Variants in TAF4 observed in about 807,000 individuals in gnomAD.
TAF4 encodes TATA-box binding protein associated factor 4, also known as transcription initiation factor TFIID subunit 4.
Under a neutral mutation model 90.3 loss-of-function variants are expected in TAF4, and 9 were observed. The ratio of observed to expected loss-of-function variants is 0.10; its 90% CI spans 0.06 to 0.17. The LOEUF is 0.17. Among genes scored for constraint, TAF4 ranks in the 10% least tolerant of loss-of-function variants. The pLI is 1.00. For missense variants in TAF4, 1,351 were observed against 1,370.7 expected (o/e 0.99, Z 0.23); for synonymous variants, 818 against 638.9 (o/e 1.28, Z -4.23).
At chr20:61,994,888 T>C (rs2055653858) in intron 14 of TAF4, among the ~76,000 whole-genome samples, 1 of 152,078 alleles carries the variant, frequency 6.6e-6, no homozygotes, top group Non-Finnish European at 1.5e-5. Context: ...CCTGCCCGAG[T>C]AACAAGACCT....
intron 1 of TAF4, among the ~76,000 whole-genome samples, chr20:62,029,795 A>C (rs1045791664): frequency 6.6e-6 from 1 of 152,208 alleles, no homozygotes; most frequent in Non-Finnish European, 1.5e-5. Context: ...AATCCCAGCT[A>C]CTTGGGAGGC....
At chr20:62,013,611 C>G (rs1183935933) in intron 2 of TAF4, among the ~76,000 whole-genome samples, 1 of 152,362 alleles carries the variant, frequency 6.6e-6, no homozygotes, top group South Asian at 2.1e-4. Context: ...GGGACAGAGG[C>G]ACAACTCCAG....
chr20:62,004,328 C>CTTTTTTTTTTTTTTTTTTTTTTTTTT (rs60437230), intron 7 of TAF4, among the ~76,000 whole-genome samples: 1 of 117,198 alleles, frequency 8.5e-6, no homozygotes, highest in Non-Finnish European at 1.7e-5. Context: ...CTTTTCTTTT[C>CTTTTTTTTTTTTTTTTTTTTTTTTTT]TTTTTTTTTT....
chr20:62,057,257 A>G (rs1013254179), intron 1 of TAF4, among the ~76,000 whole-genome samples: 2 of 152,306 alleles, frequency 1.3e-5, no homozygotes, highest in Non-Finnish European at 1.5e-5. Context: ...TGCTTGGGCC[A>G]CACCCAGCGC....
chr20:62,057,503 A>T (rs1456018707), intron 1 of TAF4, among the ~76,000 whole-genome samples: 2 of 152,116 alleles, frequency 1.3e-5, no homozygotes, highest in African/African-American at 4.8e-5. Flanking sequence ...ACACCACCCT[A>T]CCTGGCTACG....
chr20:61,977,620 T>C lies in TAF4; in HGVS notation c.3091-1285A>G, dbSNP rs148618825. Reference sequence around the variant, plus strand: ...CTGCATTTTCTTTATTCCTGTGAGATTCAAACAGATGAGGGCACCTGTCTC... The same window carrying C: ...CTGCATTTTCTTTATTCCTGTGAGACTCAAACAGATGAGGGCACCTGTCTC... On this transcript the variant is annotated intron_variant, in intron 14 of 14. Transcript: ENST00000252996. Among the ~76,000 whole-genome samples the C allele has an allele frequency of 2.1e-3, 317 of 152,258 alleles. 1 individual carries two copies. The highest frequency in any genetic ancestry group is 7.1e-3 in the African/African-American group (295 of 41,558).
chr20:62,014,785 A>T, intron 1 of TAF4, 78 bp from the exon 2 acceptor site: 1 of 1,545,308 alleles, frequency 6.5e-7, no homozygotes. Context: ...ACCCAGGGGA[A>T]GCTGACAGCT....
intron 4 of TAF4, 125 bp from the exon 5 acceptor site, chr20:62,009,299 G>C: frequency 9.7e-7 from 1 of 1,032,576 alleles, no homozygotes; most frequent in Non-Finnish European, 1.3e-6. Context: ...CTTCTTTCAA[G>C]AAAACGCACC....
intron 12 of TAF4, 76 bp from the exon 13 acceptor site, chr20:61,998,268 T>G: frequency 4.1e-6 from 6 of 1,465,996 alleles, no homozygotes; most frequent in Non-Finnish European, 4.7e-6. Context: ...TGTTATCTTA[T>G]TTACTATACA....
intron 14 of TAF4, among the ~76,000 whole-genome samples, chr20:61,982,889 C>G (rs940955245): frequency 1.1e-4 from 17 of 152,208 alleles, no homozygotes; most frequent in Admixed American, 6.5e-4. Context: ...CTGCACCCCC[C>G]TCCCCACCCG....
chr20:62,014,014 GTGT>G (rs2055796835), intron 2 of TAF4, among the ~76,000 whole-genome samples: 1 of 118,064 alleles, frequency 8.5e-6, no homozygotes, highest in African/African-American at 4.2e-5. Context: ...TGACGCGGGG[GTGT>G]GGGTGTGTGT....
chr20:62,043,529 C>T (rs1427753281), intron 1 of TAF4, among the ~76,000 whole-genome samples: 1 of 152,204 alleles, frequency 6.6e-6, no homozygotes, highest in Non-Finnish European at 1.5e-5. Context: ...CCTACAGCAG[C>T]ACAGTCATGT....
intron 1 of TAF4, among the ~76,000 whole-genome samples, chr20:62,030,492 C>A (rs1289677423): frequency 2.0e-5 from 3 of 152,226 alleles, no homozygotes; most frequent in African/African-American, 7.2e-5. Flanking sequence ...CCAGCAGTGC[C>A]CATTTCGGCT....
At chr20:62,043,579 T>C (rs2055975863) in intron 1 of TAF4, among the ~76,000 whole-genome samples, 1 of 152,186 alleles carries the variant, frequency 6.6e-6, no homozygotes, top group Non-Finnish European at 1.5e-5. Flanking sequence ...CACCCAGTCC[T>C]GCAAGCGCCA....
rs536907333 is a variant in TAF4 at position 62,053,911 on chromosome 20, G to A, written c.1360+10540C>T. Among the ~76,000 whole-genome samples, 17 of 152,346 alleles carry A rather than the reference G, an allele frequency of 1.1e-4. No homozygotes were observed. The South Asian group carries it at 2.1e-3, about 19-fold the overall frequency. ...TTGGCCACTTGAAGCCCTTGCAGCC[G>A]CAGGACTGCAGGGACTGACGGAGAT... On this transcript the variant is annotated intron_variant, in intron 1 of 14. Coordinates refer to ENST00000252996, the MANE Select transcript of TAF4 (RefSeq NM_003185.4).
At position 62,010,387 on chromosome 20, in the gene TAF4, G is replaced by C. The variant is rs1372089635; in HGVS notation, c.1642-222C>G. On this transcript the variant is annotated intron_variant, in intron 3 of 14. Transcript: ENST00000252996. The surrounding 1 kb of genome is among the most constrained non-coding windows in gnomAD (Gnocchi z 4.5). ...TCGCAGTCCTGAGCGGGTGAGGAAGGCATGATTTGCACCTGCATCAAAAAC... is the reference window on the plus strand; with the variant it reads ...TCGCAGTCCTGAGCGGGTGAGGAAGCCATGATTTGCACCTGCATCAAAAAC... Among the ~76,000 whole-genome samples the C allele has an allele frequency of 6.6e-6, 1 of 152,156 alleles. No individual in the cohort carries two copies. Among genetic ancestry groups the C allele is most frequent in the African/African-American group, 2.4e-5 (1 of 41,448 alleles).
rs1448594502 is a variant in TAF4 at position 61,975,150 on chromosome 20, A to C, written c.*1018T>G. 6.6e-6 allele frequency: 1 copy of C among 152,444 alleles called. No individual in the cohort carries two copies. Among genetic ancestry groups the C allele is most frequent in the Non-Finnish European group, 1.5e-5 (1 of 68,030 alleles). The allele number at this position is 152,444 out of a possible 1,614,324, so 9.4% of individuals were successfully genotyped here. The stretch of plus-strand genomic sequence containing the variant: ...CTGAAAATAGAAAGAACCAATTAGT[A>C]TATTTGTAATAAAAAAATAGGTACA... On this transcript the variant is annotated 3_prime_UTR_variant, in exon 15 of 15. Coordinates refer to ENST00000252996, the MANE Select transcript of TAF4 (RefSeq NM_003185.4).
chr20:62,030,898 G>C (rs764133715), intron 1 of TAF4, among the ~76,000 whole-genome samples: 1 of 152,106 alleles, frequency 6.6e-6, no homozygotes, highest in Non-Finnish European at 1.5e-5. Context: ...TCCACAATAC[G>C]ATGGCCTCCT....
intron 1 of TAF4, among the ~76,000 whole-genome samples, chr20:62,025,917 T>C (rs541534195): frequency 1.9e-3 from 286 of 152,240 alleles, no homozygotes; most frequent in African/African-American, 6.7e-3. Flanking sequence ...ATGCTGACCC[T>C]GGGGTGATGG....
Sources: allele counts gnomAD v4.1 joint callset (sites outside exome capture counted in the v4.1 genomes callset), GRCh38; gene constraint gnomAD v4.1.1; non-coding constraint Gnocchi (gnomAD v3.1); transcripts MANE v1.5; gene names NCBI Gene and HGNC (gene_info 2026-07-23, HGNC 2026-07-21).